MCM9: variants seen among roughly 807,000 people sequenced by gnomAD.
The protein encoded by MCM9 is minichromosome maintenance 9 homologous recombination repair factor.
A neutral mutation model predicts 72.8 loss-of-function variants in MCM9; 55 were observed. The observed-to-expected ratio is 0.76, with a 90% CI of 0.61 to 0.95. MCM9 has a LOEUF of 0.95. Ranked by LOEUF, MCM9 falls within the 40% of genes least tolerant of loss-of-function variation. The pLI is 0.00. For missense variants in MCM9, 1,279 were observed against 1,377.0 expected (o/e 0.93, Z 1.13); for synonymous variants, 480 against 503.4 (o/e 0.95, Z 0.62).
intron 13 of MCM9, among the ~76,000 whole-genome samples, chr6:118,818,557 A>G (rs558560344): frequency 6.6e-6 from 1 of 152,302 alleles, no homozygotes; most frequent in African/African-American, 2.4e-5. Context: ...GAAGTCAGGT[A>G]GCGTGATGCC....
At chr6:118,897,493 T>C (rs193229591) in intron 8 of MCM9, among the ~76,000 whole-genome samples, 1 of 152,240 alleles carries the variant, frequency 6.6e-6, no homozygotes, top group Admixed American at 6.5e-5. Context: ...ATACTTATAA[T>C]ATACCAGAAT....
chr6:118,917,646 C>T lies in MCM9; in HGVS notation c.819G>A (p.Glu273=), dbSNP rs1233176027. 5.0e-6 allele frequency: 8 copies of T among 1,614,198 alleles called. No homozygotes were observed. The highest frequency in any genetic ancestry group is 6.8e-6 in the Non-Finnish European group (8 of 1,180,032). ...LKANYIQVNN[E]QSSGIIMDEE... is the part of the protein sequence containing the mutation. ...CATCCATGATGATCCCTGAGGACTG[C>T]TCATTATTTACTTGGATGTAATTTG... Residue 273 remains glutamate (E), a synonymous_variant, in exon 6 of 14, where the codon GAG becomes GAA. Transcript: ENST00000619706.
chr6:118,916,474 T>G (rs920323778), intron 6 of MCM9, among the ~76,000 whole-genome samples: 2 of 140,824 alleles, frequency 1.4e-5, no homozygotes, highest in African/African-American at 5.3e-5. Flanking sequence ...TTATTATTAT[T>G]ATGAGACAGA....
chr6:118,824,345 C>CT (rs781078527), intron 13 of MCM9, among the ~76,000 whole-genome samples: 3 of 148,838 alleles, frequency 2.0e-5, no homozygotes, highest in African/African-American at 5.0e-5. Flanking sequence ...TTTAGTCTTT[C>CT]TTTTTTTTTC....
intron 8 of MCM9, chr6:118,900,809 A>G: frequency 1.2e-6 from 2 of 1,613,886 alleles, no homozygotes; most frequent in Non-Finnish European, 1.7e-6. Context: ...CAGAAAGTGA[A>G]GAATACGATC....
chr6:118,933,753 A>T (rs1782652365), intron 1 of MCM9, among the ~76,000 whole-genome samples: 1 of 152,200 alleles, frequency 6.6e-6, no homozygotes, highest in South Asian at 2.1e-4. Context: ...GAAACGTTTA[A>T]GAAGTACATA....
intron 8 of MCM9, among the ~76,000 whole-genome samples, chr6:118,857,365 G>A (rs706975): frequency 0.076 from 11,604 of 152,138 alleles, 683 homozygotes; most frequent in East Asian, 0.19. Flanking sequence ...AGAATGGTCA[G>A]AAGAAAAGGC....
intron 8 of MCM9, among the ~76,000 whole-genome samples, chr6:118,863,962 A>C (rs142805513): frequency 6.6e-6 from 1 of 152,032 alleles, no homozygotes; most frequent in East Asian, 1.9e-4. Flanking sequence ...TTAAACATCA[A>C]TGTTCTAAAT....
intron 9 of MCM9, among the ~76,000 whole-genome samples, chr6:118,851,362 G>GA (rs1486072314): frequency 2.6e-5 from 4 of 151,496 alleles, no homozygotes; most frequent in Admixed American, 2.6e-4. Context: ...AATTGATCAA[G>GA]AAAAAAGAAA....
intron 8 of MCM9, among the ~76,000 whole-genome samples, chr6:118,884,391 C>A (rs910556373): frequency 3.3e-5 from 5 of 151,070 alleles, no homozygotes; most frequent in African/African-American, 1.2e-4. Flanking sequence ...TTAAGTAAGC[C>A]CTATAACAAC....
intron 8 of MCM9, among the ~76,000 whole-genome samples, chr6:118,901,600 CAA>C (rs577085697): frequency 3.4e-4 from 51 of 152,236 alleles, no homozygotes; most frequent in African/African-American, 1.2e-3. Flanking sequence ...CTTCTATATT[CAA>C]AAGTGTTATT....
intron 9 of MCM9, among the ~76,000 whole-genome samples, chr6:118,831,053 G>A (rs1197383896): frequency 6.6e-6 from 1 of 152,066 alleles, no homozygotes; most frequent in Non-Finnish European, 1.5e-5. Context: ...GAAAGAAGGT[G>A]GTAAATTATG....
chr6:118,853,609 G>C (rs1207401843), intron 9 of MCM9, among the ~76,000 whole-genome samples: 1 of 152,062 alleles, frequency 6.6e-6, no homozygotes, highest in Non-Finnish European at 1.5e-5. Flanking sequence ...AGACCAGCCT[G>C]GGCAACATAG....
intron 7 of MCM9, 59 bp from the exon 8 acceptor site, chr6:118,911,828 C>A: frequency 7.7e-7 from 1 of 1,300,392 alleles, no homozygotes; most frequent in Admixed American, 1.8e-5. Context: ...ATTTGGAATG[C>A]CAACAAAATA....
intron 8 of MCM9, among the ~76,000 whole-genome samples, chr6:118,877,016 C>T (rs976882195): frequency 1.3e-5 from 2 of 152,168 alleles, no homozygotes; most frequent in Middle Eastern, 3.2e-3. Context: ...AAATGCTAGA[C>T]ATTTCTGACT....
At chr6:118,882,936 CA>C (rs575551040) in intron 8 of MCM9, among the ~76,000 whole-genome samples, 58 of 151,724 alleles carry the variant, frequency 3.8e-4, no homozygotes, top group African/African-American at 1.4e-3. Context: ...ATAAGATGTG[CA>C]AAAAAACAGG....
intron 9 of MCM9, among the ~76,000 whole-genome samples, chr6:118,834,993 C>G (rs973121848): frequency 5.9e-5 from 9 of 152,124 alleles, no homozygotes; most frequent in African/African-American, 1.4e-4. Context: ...TTAGGTCTTA[C>G]GTTTAAGCCT....
At chr6:118,900,307 G>A (rs1006473370) in intron 8 of MCM9, among the ~76,000 whole-genome samples, 14 of 152,176 alleles carry the variant, frequency 9.2e-5, no homozygotes, top group Non-Finnish European at 1.8e-4. Context: ...TCTCTGCAGC[G>A]TAGTATAGGG....
intron 9 of MCM9, among the ~76,000 whole-genome samples, chr6:118,848,535 C>A (rs1404267927): frequency 1.3e-5 from 2 of 151,820 alleles, no homozygotes; most frequent in South Asian, 2.1e-4. Flanking sequence ...CCGTCTACAT[C>A]AGCAGAGATG....
Sources: allele counts gnomAD v4.1 joint callset (sites outside exome capture counted in the v4.1 genomes callset), GRCh38; gene constraint gnomAD v4.1.1; transcripts MANE v1.5; gene names NCBI Gene and HGNC (gene_info 2026-07-23, HGNC 2026-07-21).